Variants in SSPN observed in about 807,000 individuals in gnomAD.
The protein encoded by SSPN is K-ras oncogene-associated protein.
A neutral mutation model predicts 19.1 loss-of-function variants in SSPN; 15 were observed. The ratio of observed to expected loss-of-function variants is 0.78; its 90% confidence interval spans 0.52 to 1.21. The LOEUF (loss-of-function observed/expected upper bound fraction) is 1.21, where lower values mean the gene tolerates loss of function less well. Ranked by LOEUF, SSPN falls within the 50% of genes most tolerant of loss-of-function variation. The pLI is 0.00. For missense variants in SSPN, 291 were observed against 314.0 expected (o/e 0.93, Z 0.55); for synonymous variants, 147 against 140.3 (o/e 1.05, Z -0.34).
chr12:26,212,389 A>G (rs1190091878), intron 1 of SSPN, among the ~76,000 whole-genome samples: 1 of 152,158 alleles, frequency 6.6e-6, no homozygotes, highest in East Asian at 1.9e-4. Flanking sequence ...TCTGTGATAG[A>G]ATTTCTTGTC....
chr12:26,130,182 A>C (rs1158213538), intron 1 of SSPN, among the ~76,000 whole-genome samples: 1 of 152,216 alleles, frequency 6.6e-6, no homozygotes, highest in East Asian at 1.9e-4. Flanking sequence ...GGAAGTCTGC[A>C]GGAAGAGGGG....
At chr12:26,228,173 A>G (rs1411052153) in intron 2 of SSPN, among the ~76,000 whole-genome samples, 1 of 152,062 alleles carries the variant, frequency 6.6e-6, no homozygotes, top group African/African-American at 2.4e-5. Context: ...AGTCAGGAGG[A>G]TCACTTGAGG....
At chr12:26,155,516 C>A (rs1046803215) in intron 1 of SSPN, among the ~76,000 whole-genome samples, 3 of 152,100 alleles carry the variant, frequency 2.0e-5, no homozygotes, top group Non-Finnish European at 1.5e-5. Flanking sequence ...GGTATATTAA[C>A]ATTTAAAAAA....
intron 1 of SSPN, among the ~76,000 whole-genome samples, chr12:26,177,605 G>A (rs979962291): frequency 3.9e-5 from 6 of 152,180 alleles, no homozygotes; most frequent in African/African-American, 9.7e-5. Context: ...GTGGAGGGCC[G>A]TGGAAGCCTT....
intron 1 of SSPN, among the ~76,000 whole-genome samples, chr12:26,181,774 G>A (rs1030991457): frequency 6.6e-6 from 1 of 152,184 alleles, no homozygotes; most frequent in African/African-American, 2.4e-5. Flanking sequence ...TAGAACACCT[G>A]TGAGTGGAGG....
At chr12:26,164,608 A>G (rs1009822382) in intron 1 of SSPN, among the ~76,000 whole-genome samples, 2 of 152,210 alleles carry the variant, frequency 1.3e-5, no homozygotes, top group African/African-American at 4.8e-5. Flanking sequence ...CTTATATTCC[A>G]GTGACATTTT....
intron 1 of SSPN, among the ~76,000 whole-genome samples, chr12:26,215,623 G>A (rs1374241685): frequency 6.6e-6 from 1 of 152,184 alleles, no homozygotes; most frequent in Non-Finnish European, 1.5e-5. Flanking sequence ...TTCTCTAACT[G>A]GTTGTTAGAC....
chr12:26,174,595 G>A lies in SSPN; in HGVS notation c.-30-49698G>A, dbSNP rs562556648. On this transcript the variant is annotated intron_variant, in intron 1 of 2. Transcript: ENST00000538142. Reference sequence around the variant, plus strand: ...GAGTGCAGTGACAAAATCCCAGCTCGCTGCAACCTCCGCCTCCCAGGTTCA... The same window carrying A: ...GAGTGCAGTGACAAAATCCCAGCTCACTGCAACCTCCGCCTCCCAGGTTCA... Among the ~76,000 whole-genome samples the A allele has an allele frequency of 7.9e-5, 12 of 151,042 alleles. No homozygotes were observed. In the South Asian group the frequency reaches 2.3e-3, roughly 29 times the overall value.
intron 1 of SSPN, among the ~76,000 whole-genome samples, chr12:26,145,451 G>A (rs1944484392): frequency 6.6e-6 from 1 of 152,188 alleles, no homozygotes; most frequent in African/African-American, 2.4e-5. Flanking sequence ...GAAGTGAAAT[G>A]TGTGTCAATG....
At chr12:26,151,878 A>G (rs980339747) in intron 1 of SSPN, among the ~76,000 whole-genome samples, 1 of 152,248 alleles carries the variant, frequency 6.6e-6, no homozygotes, top group Non-Finnish European at 1.5e-5. Context: ...CAAAGCAACT[A>G]GAATTTTTCT....
At chr12:26,146,820 A>AAAAAAAAAAAAG (rs10700764) in intron 1 of SSPN, among the ~76,000 whole-genome samples, 1 of 151,024 alleles carries the variant, frequency 6.6e-6, no homozygotes, top group Non-Finnish European at 1.5e-5. Flanking sequence ...AGGCTGTCTA[A>AAAAAAAAAAAAG]AAAAAAAAAA....
chr12:26,198,753 A>G (rs78513390), intron 1 of SSPN, among the ~76,000 whole-genome samples: 8,764 of 152,252 alleles, frequency 0.058, 351 homozygotes, highest in Non-Finnish European at 0.089. Context: ...TGATTGGTCC[A>G]GTACTTTCTG....
At chr12:26,188,053 G>T (rs1235229096) in intron 1 of SSPN, among the ~76,000 whole-genome samples, 1 of 152,194 alleles carries the variant, frequency 6.6e-6, no homozygotes, top group African/African-American at 2.4e-5. Context: ...TGTTCTCCAT[G>T]TTTGCATCAA....
chr12:26,193,105 A>G (rs1944799014), upstream of SSPN, among the ~76,000 whole-genome samples: 1 of 152,212 alleles, frequency 6.6e-6, no homozygotes, highest in Non-Finnish European at 1.5e-5. Context: ...ATATTTTTGT[A>G]AAGTACTCAT....
chr12:26,180,001 G>A (rs749390626), intron 1 of SSPN: 3 of 132,744 alleles, frequency 2.3e-5, no homozygotes, highest in Non-Finnish European at 3.1e-5. Context: ...AACAGGATAC[G>A]GTTTGCCCTG....
chr12:26,179,427 G>T (rs181968506), intron 1 of SSPN, among the ~76,000 whole-genome samples: 3 of 152,290 alleles, frequency 2.0e-5, no homozygotes, highest in African/African-American at 7.2e-5. Flanking sequence ...TTTTGCTGGG[G>T]ACAGGAGCCA....
intron 1 of SSPN, among the ~76,000 whole-genome samples, chr12:26,148,348 G>C (rs1046540431): frequency 3.3e-5 from 5 of 152,210 alleles, no homozygotes; most frequent in African/African-American, 1.2e-4. Context: ...TTGTATTTTA[G>C]TTCTGGGCAC....
At chr12:26,185,218 A>G (rs191838058) in intron 1 of SSPN, among the ~76,000 whole-genome samples, 14 of 152,348 alleles carry the variant, frequency 9.2e-5, no homozygotes, top group South Asian at 6.2e-4. Context: ...AGTTCATTCA[A>G]TAAACATTTA....
At chr12:26,123,008 C>T in intron 1 of SSPN, 2 of 1,568,782 alleles carry the variant, frequency 1.3e-6, no homozygotes, top group Non-Finnish European at 1.7e-6. Flanking sequence ...ACTGGGTGGC[C>T]ACGGCGTGCA....
Sources: gnomAD v4.1 joint callset for allele counts (sites outside exome capture counted in the v4.1 genomes callset) on GRCh38, gnomAD v4.1.1 for gene constraint, MANE v1.5 for transcripts, NCBI Gene and HGNC (gene_info 2026-07-23, HGNC 2026-07-21) for gene names.